The following NINJ2 variants were observed in gnomAD, a reference collection of about 807,000 sequenced individuals.
NINJ2 encodes ninjurin-2.
NINJ2 carries 12 observed loss-of-function variants against 11.7 expected under a neutral mutation model. That is an observed-to-expected ratio of 1.02 (90% CI 0.66 to 1.66). NINJ2 has a LOEUF of 1.66. NINJ2 is among the 40% of genes most tolerant of loss of function. The pLI, the probability that NINJ2 is intolerant of heterozygous loss-of-function variation, is 0.00. For synonymous variants in NINJ2, 93 were observed against 76.8 expected (o/e 1.21, Z -1.10); for missense variants, 187 against 181.8 (o/e 1.03, Z -0.16).
At chr12:611,979 G>C (rs1031942566) in intron 1 of NINJ2, among the ~76,000 whole-genome samples, 1 of 152,182 alleles carries the variant, frequency 6.6e-6, no homozygotes, top group Non-Finnish European at 1.5e-5. Flanking sequence ...GTATGACCAA[G>C]GTCTGGCTAA....
chr12:586,973 C>T (rs1021683740), intron 1 of NINJ2, among the ~76,000 whole-genome samples: 15 of 152,322 alleles, frequency 9.8e-5, no homozygotes, highest in Middle Eastern at 3.4e-3. Flanking sequence ...AGGCCTTTAA[C>T]CCTTAGTGTG....
intron 1 of NINJ2, among the ~76,000 whole-genome samples, chr12:652,206 AAAGAT>A (rs1937805592): frequency 2.6e-5 from 4 of 152,214 alleles, no homozygotes; most frequent in Admixed American, 2.0e-4. Context: ...ATTGAAGAAC[AAAGAT>A]AAGAATTACA....
chr12:620,132 G>A (rs1197953804), intron 1 of NINJ2, among the ~76,000 whole-genome samples: 1 of 152,206 alleles, frequency 6.6e-6, no homozygotes, highest in African/African-American at 2.4e-5. Flanking sequence ...TCCTAGTGAC[G>A]GGAGAGCACA....
chr12:604,741 G>A (rs1364923631), intron 1 of NINJ2, among the ~76,000 whole-genome samples: 1 of 152,200 alleles, frequency 6.6e-6, no homozygotes, highest in Non-Finnish European at 1.5e-5. Context: ...GGACACAAGT[G>A]CAAGGGAGGT....
intron 1 of NINJ2, among the ~76,000 whole-genome samples, chr12:589,032 G>GAGTCTCCCACAGAATA (rs1198286443): frequency 1.3e-5 from 2 of 152,060 alleles, no homozygotes; most frequent in African/African-American, 4.8e-5. Context: ...CCACTTCTAG[G>GAGTCTCCCACAGAATA]AGTCTCCCAC....
At chr12:564,864 C>T (rs1239876040) in intron 3 of NINJ2, among the ~76,000 whole-genome samples, 183 bp from the exon 4 acceptor site, 1 of 152,232 alleles carries the variant, frequency 6.6e-6, no homozygotes, top group Non-Finnish European at 1.5e-5. Flanking sequence ...ATGCTGCTGA[C>T]CCATGGACCA....
In NINJ2 at chr12:640,370, T is replaced by C. The variant is rs920800119; in HGVS notation, c.33+22958A>G. ...AAAAAAGGTAGGCCTGCGGGCTCCTTGCCTGAGCAAAGTTAAAGTGTAGTT... is the reference window on the plus strand; with the variant it reads ...AAAAAAGGTAGGCCTGCGGGCTCCTCGCCTGAGCAAAGTTAAAGTGTAGTT... On this transcript the variant is annotated intron_variant, in intron 1 of 3. Transcript: ENST00000305108. This position sits in a 1 kb window ranked among gnomAD's most constrained non-coding sequence, Gnocchi z 4.0. Among the ~76,000 whole-genome samples the C allele has an allele frequency of 2.0e-5, 3 of 152,242 alleles. No individual in the cohort carries two copies. The highest frequency in any genetic ancestry group is 7.2e-5 in the African/African-American group (3 of 41,468).
intron 2 of NINJ2, chr12:565,721 G>C: frequency 1.6e-6 from 1 of 631,524 alleles, no homozygotes. Context: ...CATTCAGCAG[G>C]TACTGCGGAG....
intron 1 of NINJ2, among the ~76,000 whole-genome samples, chr12:629,627 C>T (rs1592106449): frequency 1.3e-5 from 2 of 151,926 alleles, no homozygotes; most frequent in East Asian, 3.9e-4. Flanking sequence ...GTGGCTCACG[C>T]CTGTAATCCC....
intron 1 of NINJ2, among the ~76,000 whole-genome samples, chr12:588,606 T>C (rs932797075): frequency 5.3e-5 from 8 of 152,144 alleles, no homozygotes; most frequent in African/African-American, 1.9e-4. Context: ...CAAAACCCAG[T>C]AGCCTGCCTT....
chr12:605,820 C>T (rs746909675), intron 1 of NINJ2, among the ~76,000 whole-genome samples: 7 of 152,202 alleles, frequency 4.6e-5, no homozygotes, highest in Non-Finnish European at 1.0e-4. Flanking sequence ...CTTTGTCCTT[C>T]ACAACTTAGC....
At chr12:583,504 A>C (rs748912993) in intron 1 of NINJ2, among the ~76,000 whole-genome samples, 15 of 152,262 alleles carry the variant, frequency 9.9e-5, no homozygotes, top group Non-Finnish European at 1.9e-4. Flanking sequence ...CCCGCCTGAC[A>C]GCTGACCCCT....
chr12:638,962 T>A lies in NINJ2; in HGVS notation c.33+24366A>T, dbSNP rs76483427. 4.1e-3 allele frequency among the ~76,000 whole-genome samples: 630 copies of A among 152,314 alleles called. 29 individuals are homozygous for A. In the East Asian group the frequency reaches 0.1, roughly 25 times the overall value. ...TCCATAGTAAGTAATACTCTGCAAC[T>A]GTTAAAAATAATAAGGTGGATCTAT... On this transcript the variant is annotated intron_variant, in intron 1 of 3. Coordinates refer to ENST00000305108, the MANE Select transcript of NINJ2 (RefSeq NM_016533.6).
intron 1 of NINJ2, among the ~76,000 whole-genome samples, chr12:649,055 C>CTT (rs560127010): frequency 2.2e-5 from 3 of 135,286 alleles, no homozygotes; most frequent in African/African-American, 5.6e-5. Flanking sequence ...TTATCTTTTT[C>CTT]TTTTTTTTTT....
rs1202441611 is a variant in NINJ2, at chr12:585,179, G to T, written c.34-19001C>A. 3.3e-5 allele frequency among the ~76,000 whole-genome samples: 5 copies of T among 152,232 alleles called. No individual in the cohort carries two copies. Among genetic ancestry groups the T allele is most frequent in the African/African-American group, 1.2e-4 (5 of 41,464 alleles). Reference sequence around the variant, plus strand: ...GCTAAGGCTGCATTTCCACCGCCATGAAATGGAGGCTGTCTCTGCAGTGAC... The same window carrying T: ...GCTAAGGCTGCATTTCCACCGCCATTAAATGGAGGCTGTCTCTGCAGTGAC... On this transcript the variant is annotated intron_variant, in intron 1 of 3. Coordinates refer to ENST00000305108, the MANE Select transcript of NINJ2 (RefSeq NM_016533.6). This position sits in a 1 kb window ranked among gnomAD's most constrained non-coding sequence, Gnocchi z 4.1.
chr12:652,498 A>T (rs1405824435), intron 1 of NINJ2, among the ~76,000 whole-genome samples: 1 of 152,204 alleles, frequency 6.6e-6, no homozygotes, highest in African/African-American at 2.4e-5. Flanking sequence ...GGGGAGGCCA[A>T]GGCAGGCAGA....
At chr12:600,041 C>T (rs1947846629) in intron 1 of NINJ2, among the ~76,000 whole-genome samples, 2 of 152,164 alleles carry the variant, frequency 1.3e-5, no homozygotes, top group Admixed American at 6.5e-5. Context: ...AGCAAATTGG[C>T]GCTGAGATTC....
chr12:620,282 G>A (rs1338152056), intron 1 of NINJ2, among the ~76,000 whole-genome samples: 1 of 152,230 alleles, frequency 6.6e-6, no homozygotes, highest in African/African-American at 2.4e-5. Flanking sequence ...TAGGAGCTTT[G>A]TTTTCCTAGA....
At chr12:577,037 A>G (rs1947471005) in intron 1 of NINJ2, among the ~76,000 whole-genome samples, 1 of 152,150 alleles carries the variant, frequency 6.6e-6, no homozygotes, top group Non-Finnish European at 1.5e-5. Context: ...AAATAATGAT[A>G]TTGCTGTATG....
Sources: gnomAD v4.1 joint callset for allele counts (sites outside exome capture counted in the v4.1 genomes callset) on GRCh38, gnomAD v4.1.1 for gene constraint, Gnocchi (gnomAD v3.1) non-coding constraint, MANE v1.5 for transcripts, NCBI Gene and HGNC (gene_info 2026-07-23, HGNC 2026-07-21) for gene names.